HOXA3: variants seen among roughly 807,000 people sequenced by gnomAD.
HOXA3 encodes homeobox protein Hox-A3.
In HOXA3, 8 loss-of-function variants were observed where a neutral mutation model predicts 30.3. The ratio of observed to expected loss-of-function variants is 0.26; its 90% CI spans 0.15 to 0.48. HOXA3 has a LOEUF of 0.48. Ranked by LOEUF, HOXA3 falls within the 20% of genes least tolerant of loss-of-function variation. HOXA3 has a pLI of 0.99. For missense variants in HOXA3, 653 were observed against 614.4 expected (o/e 1.06, Z -0.66); for synonymous variants, 323 against 273.1 (o/e 1.18, Z -1.80).
intron 2 of HOXA3, among the ~76,000 whole-genome samples, chr7:27,133,802 C>T (rs896030197): frequency 1.3e-5 from 2 of 152,168 alleles, no homozygotes; most frequent in African/African-American, 2.4e-5. Context: ...ACAGTGACAC[C>T]GTGTGCATTT....
chr7:27,126,545 T>A (rs1210590683), intron 3 of HOXA3, among the ~76,000 whole-genome samples: 2 of 152,122 alleles, frequency 1.3e-5, no homozygotes, highest in Non-Finnish European at 2.9e-5. Context: ...AAGCACAAAG[T>A]GGGATTTTCT....
At chr7:27,143,797 A>G in intron 1 of HOXA3, 1 of 1,099,978 alleles carries the variant, frequency 9.1e-7, no homozygotes, top group Non-Finnish European at 1.2e-6. Flanking sequence ...ATCCTGCCTG[A>G]TGACCTCTAG....
In HOXA3 at chr7:27,108,603, T is replaced by C; in HGVS notation, c.644A>G (p.Tyr215Cys). The change falls in exon 6 of 6, where the codon TAC (tyrosine) becomes TGC (cysteine). Residue 215 changes from tyrosine to cysteine, a missense_variant. By Grantham distance (194) the Tyr-to-Cys change is radical (BLOSUM62 -2). Transcript: ENST00000612286. The surrounding 1 kb of genome is among the most constrained non-coding windows in gnomAD (Gnocchi z 5.0). ...CTCCACCCGGCGCGGCCGGCACAGG[T>C]AGCGGTTGAAGTGGAACTCTTTCTC... ...ELEKEFHFNR[Y>C]LCRPRRVEMA... 1 of 1,614,088 alleles carries C rather than the reference T, an allele frequency of 6.2e-7. No homozygotes were observed. Among genetic ancestry groups the C allele is most frequent in the Non-Finnish European group, 8.5e-7 (1 of 1,179,982 alleles).
At chr7:27,134,654 T>G (rs1306956914) in intron 2 of HOXA3, among the ~76,000 whole-genome samples, 1 of 152,244 alleles carries the variant, frequency 6.6e-6, no homozygotes, top group African/African-American at 2.4e-5. Context: ...CACAGTTGTT[T>G]CCTTTCTTCT....
chr7:27,130,494 G>T (rs1229002275), intron 2 of HOXA3: 4 of 1,281,600 alleles, frequency 3.1e-6, no homozygotes, highest in Non-Finnish European at 3.9e-6. Context: ...AGGCGGGCTC[G>T]CGGGCGGTCC....
At chr7:27,146,701 G>T (rs1190550946) in intron 1 of HOXA3, among the ~76,000 whole-genome samples, 1 of 152,130 alleles carries the variant, frequency 6.6e-6, no homozygotes, top group African/African-American at 2.4e-5. Flanking sequence ...TCCAAGACAG[G>T]TGTATGAAGC....
chr7:27,147,823 A>C lies in HOXA3; in HGVS notation c.-494+4465T>G. ...GGCTATAACTATTAGTAGTCATCGA[A>C]CTGGTTTGTTTCTGGATGGCCGAAC... On this transcript the variant is annotated intron_variant, in intron 1 of 5. Coordinates refer to ENST00000612286, the MANE Select transcript of HOXA3 (RefSeq NM_153631.3). 3 of 1,354,504 alleles carry C rather than the reference A, an allele frequency of 2.2e-6. No homozygotes were observed. The Admixed American group carries it at 6.8e-5, about 31-fold the overall frequency. The allele number at this position is 1,354,504 out of a possible 1,614,324, so 83.9% of individuals were successfully genotyped here.
At chr7:27,146,586 G>A (rs1267572590) in intron 1 of HOXA3, among the ~76,000 whole-genome samples, 2 of 152,170 alleles carry the variant, frequency 1.3e-5, no homozygotes, top group Non-Finnish European at 2.9e-5. Context: ...GGAAACCAGA[G>A]GCTAAGAGAT....
chr7:27,147,458 C>A, intron 1 of HOXA3: 3 of 1,614,204 alleles, frequency 1.9e-6, no homozygotes, highest in Non-Finnish European at 2.5e-6. Context: ...TCCCCGGGGC[C>A]CCTCTGCTTG....
chr7:27,131,610 T>C (rs536956405), intron 2 of HOXA3, among the ~76,000 whole-genome samples: 3 of 152,334 alleles, frequency 2.0e-5, no homozygotes, highest in African/African-American at 7.2e-5. Flanking sequence ...GAGAGCTAAA[T>C]ATGCCCGCAT....
intron 4 of HOXA3, chr7:27,115,500 T>C (rs1784669163): frequency 6.6e-6 from 1 of 152,126 alleles, no homozygotes; most frequent in Admixed American, 6.5e-5. Context: ...ACCCGCACTT[T>C]CTCCTCCAAA....
At chr7:27,142,810 T>C in intron 1 of HOXA3, 1 of 459,062 alleles carries the variant, frequency 2.2e-6, no homozygotes, top group Non-Finnish European at 3.8e-6. Flanking sequence ...TTCCTCCCCC[T>C]TCCAACGTCT....
Position 27,108,285 on chromosome 7 carries a change from G to T in HOXA3, c.962C>A (p.Pro321His). The change falls in exon 6 of 6, where the codon CCC (proline) becomes CAC (histidine). Residue 321 changes from proline to histidine, a missense_variant. Physicochemically the swap from Pro to His is moderately conservative, Grantham distance 77 (BLOSUM62 -2). This residue lies in a region of HOXA3 where 330 missense variants were observed against 274.4 expected (regional missense o/e 1.20). Coordinates refer to ENST00000612286, the MANE Select transcript of HOXA3 (RefSeq NM_153631.3). This position sits in a 1 kb window ranked among gnomAD's most constrained non-coding sequence, Gnocchi z 5.0. ...SYPASLPSCA[P>H]PPPPQKRYTA... ...GTAGCGCTTCTGTGGGGGTGGCGGGGGTGCGCAGCTGGGCAGGGACGCAGG... is the reference window on the plus strand; with the variant it reads ...GTAGCGCTTCTGTGGGGGTGGCGGGTGTGCGCAGCTGGGCAGGGACGCAGG... 1.3e-6 allele frequency: 2 copies of T among 1,518,564 alleles called. No homozygotes were observed. The highest frequency in any genetic ancestry group is 1.8e-6 in the Non-Finnish European group (2 of 1,133,406). 94.1% of individuals were successfully genotyped at this position (1,518,564 alleles called of 1,614,324 possible).
At chr7:27,136,478 A>T (rs1785718588) in intron 2 of HOXA3, among the ~76,000 whole-genome samples, 1 of 152,176 alleles carries the variant, frequency 6.6e-6, no homozygotes, top group Non-Finnish European at 1.5e-5. Flanking sequence ...GGAGGTGGAG[A>T]CACTTTTTCC....
intron 3 of HOXA3, among the ~76,000 whole-genome samples, chr7:27,124,839 A>AG (rs1785211328): frequency 1.3e-5 from 2 of 152,234 alleles, no homozygotes; most frequent in African/African-American, 4.8e-5. Context: ...GTCTGAGGCA[A>AG]GCCACCACCA....
chr7:27,109,876 C>T (rs1432323882), intron 5 of HOXA3, among the ~76,000 whole-genome samples: 1 of 152,230 alleles, frequency 6.6e-6, no homozygotes, highest in Admixed American at 6.5e-5. Context: ...CTAGACCCTA[C>T]TTGCCCTTGG....
At chr7:27,130,672 T>A (rs1175391181) in intron 2 of HOXA3, 2 of 1,607,584 alleles carry the variant, frequency 1.2e-6, no homozygotes, top group Admixed American at 3.4e-5. Context: ...CGCGTACTCC[T>A]CGAAGGGAGG....
At chr7:27,130,546 G>T in intron 2 of HOXA3, 1 of 1,385,392 alleles carries the variant, frequency 7.2e-7, no homozygotes, top group Non-Finnish European at 9.4e-7. Flanking sequence ...GCCGCCGCCC[G>T]CGTGAGGGAG....
In HOXA3 at chr7:27,107,568, C is replaced by A. The variant is rs1583412620; in HGVS notation, c.*347G>T. 8.7e-6 allele frequency: 2 copies of A among 229,316 alleles called. No homozygotes were observed. Among genetic ancestry groups the A allele is most frequent in the East Asian group, 8.4e-5 (1 of 11,954 alleles). The allele number at this position is 229,316 out of a possible 1,614,324, so 14.2% of individuals were successfully genotyped here. A position where few individuals can be genotyped will look rare whatever the true frequency, so the allele number is the denominator to read the frequency against. ...CCCCTCGGGAGCCATAATGTAAGAA[C>A]AAATTCACATTGAAAACTCGACTAG... On this transcript the variant is annotated 3_prime_UTR_variant, in exon 6 of 6. Coordinates refer to ENST00000612286, the MANE Select transcript of HOXA3 (RefSeq NM_153631.3).
Sources: gnomAD v4.1 joint callset for allele counts (sites outside exome capture counted in the v4.1 genomes callset) on GRCh38, gnomAD v4.1.1 for gene constraint, gnomAD v4.1.1 regional missense constraint, Gnocchi (gnomAD v3.1) non-coding constraint, MANE v1.5 for transcripts, NCBI Gene and HGNC (gene_info 2026-07-23, HGNC 2026-07-21) for gene names.